Variants in LY96 observed in about 807,000 individuals in gnomAD.
The protein encoded by LY96 is lymphocyte antigen 96.
LY96 carries 18 observed loss-of-function variants against 18.9 expected under a neutral mutation model. The observed-to-expected ratio is 0.95, with a 90% CI of 0.66 to 1.41. The LOEUF (loss-of-function observed/expected upper bound fraction) is 1.41, where lower values mean the gene tolerates loss of function less well. LY96 is among the 40% of genes most tolerant of loss of function. The pLI, the probability that LY96 is intolerant of heterozygous loss-of-function variation, is 0.00. For synonymous variants in LY96, 66 were observed against 62.6 expected (o/e 1.06, Z -0.26); for missense variants, 175 against 182.4 (o/e 0.96, Z 0.23).
chr8:74,006,499 A>G (rs1385127069), intron 2 of LY96, among the ~76,000 whole-genome samples: 1 of 152,170 alleles, frequency 6.6e-6, no homozygotes. Context: ...TGCCCAGCCA[A>G]TAAGACATTC....
At chr8:73,992,835 A>AGTGT (rs1816033290) in intron 1 of LY96, among the ~76,000 whole-genome samples, 1 of 102,016 alleles carries the variant, frequency 9.8e-6, no homozygotes, top group Admixed American at 1.1e-4. Context: ...TAATTATGCC[A>AGTGT]CTGTGTGTGT....
chr8:73,999,778 C>G (rs1376786307), intron 1 of LY96, among the ~76,000 whole-genome samples: 1 of 152,198 alleles, frequency 6.6e-6, no homozygotes, highest in Non-Finnish European at 1.5e-5. Context: ...CTCTGCCTCC[C>G]AAGGTGCTGA....
the LY96 span, among the ~76,000 whole-genome samples, chr8:74,085,911 T>C: frequency 2.0e-5 from 3 of 152,064 alleles, no homozygotes; most frequent in Non-Finnish European, 4.4e-5. Flanking sequence ...ACATTTAGGG[T>C]CTACTGTCAG....
chr8:74,037,636 A>C, the LY96 span, among the ~76,000 whole-genome samples: 1 of 152,182 alleles, frequency 6.6e-6, no homozygotes, highest in African/African-American at 2.4e-5. Flanking sequence ...CTGTTTCAAA[A>C]ATAAAATTTA....
the LY96 span, among the ~76,000 whole-genome samples, chr8:74,075,834 A>T: frequency 6.6e-6 from 1 of 152,182 alleles, no homozygotes; most frequent in Non-Finnish European, 1.5e-5. Flanking sequence ...AAAGGGTATG[A>T]AAAGAGATGA....
At chr8:73,997,198 A>T (rs2131253936) in intron 1 of LY96, among the ~76,000 whole-genome samples, 1 of 152,052 alleles carries the variant, frequency 6.6e-6, no homozygotes, top group South Asian at 2.1e-4. Flanking sequence ...CTCATCATCC[A>T]CCTAATTCCT....
chr8:74,034,019 A>C (rs1462309830), downstream of LY96, among the ~76,000 whole-genome samples: 1 of 152,186 alleles, frequency 6.6e-6, no homozygotes, highest in Non-Finnish European at 1.5e-5. Flanking sequence ...CTTTATGTGA[A>C]TAATCAGGCC....
the LY96 span, among the ~76,000 whole-genome samples, chr8:74,054,660 C>CTTTCTTTCTTTCTTTG: frequency 7.6e-6 from 1 of 131,890 alleles, no homozygotes. Context: ...TTCTTTCTTT[C>CTTTCTTTCTTTCTTTG]TTTCTTTCTT....
intron 2 of LY96, among the ~76,000 whole-genome samples, chr8:74,007,708 G>T (rs1334605580): frequency 6.6e-6 from 1 of 152,172 alleles, no homozygotes; most frequent in African/African-American, 2.4e-5. Flanking sequence ...TCCTGGAATT[G>T]TCTTTGGTAA....
At chr8:74,087,928 T>A in the LY96 span, among the ~76,000 whole-genome samples, 2 of 152,138 alleles carry the variant, frequency 1.3e-5, no homozygotes, top group Non-Finnish European at 1.5e-5. Context: ...CTTTAATTTC[T>A]CTTTTTTCTT....
chr8:74,027,862 T>C (rs1018450869), intron 4 of LY96, among the ~76,000 whole-genome samples: 1 of 152,142 alleles, frequency 6.6e-6, no homozygotes, highest in Non-Finnish European at 1.5e-5. Flanking sequence ...TTAATCTAAA[T>C]GGGTCTGGGT....
downstream of LY96, among the ~76,000 whole-genome samples, chr8:74,032,956 C>A (rs1006270679): frequency 6.6e-6 from 1 of 152,150 alleles, no homozygotes; most frequent in African/African-American, 2.4e-5. Context: ...AGTTGATATG[C>A]TTCATATGCA....
chr8:73,999,131 C>T (rs955543538), intron 1 of LY96, among the ~76,000 whole-genome samples: 50 of 151,960 alleles, frequency 3.3e-4, no homozygotes, highest in African/African-American at 1.2e-3. Context: ...CCACCACACC[C>T]GGCTAATTTT....
chr8:74,009,482 A>G (rs1816485945), intron 2 of LY96, among the ~76,000 whole-genome samples: 1 of 151,928 alleles, frequency 6.6e-6, no homozygotes, highest in African/African-American at 2.4e-5. Context: ...AGTTGAGAAA[A>G]ATGCATTGAT....
intron 3 of LY96, among the ~76,000 whole-genome samples, chr8:74,011,626 C>A (rs190080514): frequency 1.3e-5 from 2 of 152,100 alleles, no homozygotes; most frequent in Non-Finnish European, 2.9e-5. Context: ...TTTGGGATAC[C>A]AAGGCAGGTG....
At chr8:74,009,826 A>G (rs570227238) in intron 2 of LY96, among the ~76,000 whole-genome samples, 175 bp from the exon 3 acceptor site, 2 of 152,314 alleles carry the variant, frequency 1.3e-5, no homozygotes, top group Admixed American at 6.5e-5. Context: ...TCAGAACTTC[A>G]GTTTTCTCAT....
At chr8:74,042,956 T>G in the LY96 span, among the ~76,000 whole-genome samples, 3 of 152,170 alleles carry the variant, frequency 2.0e-5, no homozygotes, top group Non-Finnish European at 2.9e-5. Flanking sequence ...TTTTGTATTT[T>G]TAGTAGAGAC....
At chr8:74,081,211 C>T in the LY96 span, among the ~76,000 whole-genome samples, 1 of 143,788 alleles carries the variant, frequency 7.0e-6, no homozygotes, top group Non-Finnish European at 1.5e-5. Context: ...TTCCTTCCTT[C>T]CTTCCTTTCT....
the LY96 span, among the ~76,000 whole-genome samples, chr8:74,078,486 T>C: frequency 2.0e-5 from 3 of 152,242 alleles, no homozygotes; most frequent in East Asian, 5.8e-4. Context: ...TTTCTAGGAT[T>C]CACAGTATGC....
Sources: gnomAD v4.1 joint callset for allele counts (sites outside exome capture counted in the v4.1 genomes callset) on GRCh38, gnomAD v4.1.1 for gene constraint, MANE v1.5 for transcripts, NCBI Gene and HGNC (gene_info 2026-07-23, HGNC 2026-07-21) for gene names.